The following UBN2 variants were observed in gnomAD, a reference collection of about 807,000 sequenced individuals.
UBN2 encodes ubinuclein-2.
In UBN2, 35 loss-of-function variants were observed where a neutral mutation model predicts 120.2. That is an observed-to-expected ratio of 0.29 (90% CI 0.22 to 0.39). The LOEUF (loss-of-function observed/expected upper bound fraction) is 0.39, where lower values mean the gene tolerates loss of function less well. Ranked by LOEUF, UBN2 falls within the 10% of genes least tolerant of loss-of-function variation. UBN2 has a pLI of 1.00. For missense variants in UBN2, 1,693 were observed against 1,663.2 expected (o/e 1.02, Z -0.31); for synonymous variants, 661 against 648.7 (o/e 1.02, Z -0.29).
At chr7:139,255,715 A>G (rs968797679) in intron 3 of UBN2, among the ~76,000 whole-genome samples, 10 of 152,180 alleles carry the variant, frequency 6.6e-5, no homozygotes, top group Admixed American at 6.5e-4. Context: ...TTGTATTGCC[A>G]GTAAGCTTTC....
At chr7:139,245,591 A>G (rs1396014034) in intron 2 of UBN2, among the ~76,000 whole-genome samples, 3 of 152,220 alleles carry the variant, frequency 2.0e-5, no homozygotes, top group Non-Finnish European at 4.4e-5. Flanking sequence ...ACTTCTACAT[A>G]TATCTGATTG....
intron 13 of UBN2, among the ~76,000 whole-genome samples, 183 bp from the exon 14 acceptor site, chr7:139,281,822 T>C (rs993664501): frequency 6.6e-6 from 1 of 152,232 alleles, no homozygotes; most frequent in African/African-American, 2.4e-5. Flanking sequence ...TCAAAACAAA[T>C]GTGTTTCATC....
intron 8 of UBN2, among the ~76,000 whole-genome samples, chr7:139,271,743 C>T (rs1797281200): frequency 6.6e-6 from 1 of 152,226 alleles, no homozygotes; most frequent in South Asian, 2.1e-4. Flanking sequence ...CAGATGCAAA[C>T]CTACTTTCTT....
chr7:139,317,168 T>C, the UBN2 span, among the ~76,000 whole-genome samples: 1 of 152,018 alleles, frequency 6.6e-6, no homozygotes, highest in Non-Finnish European at 1.5e-5. Context: ...TGCATTGCGG[T>C]CTTTTTATCA....
intron 12 of UBN2, among the ~76,000 whole-genome samples, chr7:139,278,203 A>T (rs1234711089): frequency 1.1e-4 from 14 of 128,406 alleles, no homozygotes; most frequent in African/African-American, 3.9e-4. Context: ...TTTTTTTGAG[A>T]TGGAGTCTTG....
At position 139,298,065 on chromosome 7, in the gene UBN2, G is replaced by A. The variant is rs1798160354; in HGVS notation, c.*229G>A. 2 of 487,626 alleles carry A rather than the reference G, an allele frequency of 4.1e-6. No individual in the cohort carries two copies. Among genetic ancestry groups the A allele is most frequent in the Middle Eastern group, 3.3e-4 (1 of 3,048 alleles). 30.2% of individuals were successfully genotyped at this position (487,626 alleles called of 1,614,324 possible). On this transcript the variant is annotated 3_prime_UTR_variant, in exon 18 of 18. Transcript: ENST00000473989. ...TTAGTGACCTTTGGTCTCTTCTAAAGAATGACAGAGTTACCGTATTAACAG... is the reference window on the plus strand; with the variant it reads ...TTAGTGACCTTTGGTCTCTTCTAAAAAATGACAGAGTTACCGTATTAACAG...
chr7:139,320,063 G>A, the UBN2 span, among the ~76,000 whole-genome samples: 16 of 149,530 alleles, frequency 1.1e-4, no homozygotes, highest in East Asian at 5.9e-4. Context: ...GTGACAGAGC[G>A]AGACTCCGTC....
rs536686100 is a variant in UBN2 at position 139,273,163 on chromosome 7, A to G, written c.1716-134A>G. 1.5e-4 allele frequency: 72 copies of G among 491,314 alleles called. 1 individual carries two copies. The highest frequency in any genetic ancestry group is 1.4e-3 in the South Asian group (24 of 16,868). The allele number at this position is 491,314 out of a possible 1,614,324, so 30.4% of individuals were successfully genotyped here. A position where few individuals can be genotyped will look rare whatever the true frequency, so the allele number is the denominator to read the frequency against. On this transcript the variant is annotated intron_variant, in intron 9 of 17. Coordinates refer to ENST00000473989, the MANE Select transcript of UBN2 (RefSeq NM_173569.4). The stretch of plus-strand genomic sequence containing the variant: ...TAACTCCTTTCAAATTTGAAGTATT[A>G]TGTGGAAAGGTAGATTCCGTCTTTA...
chr7:139,254,128 C>A (rs1420663294), intron 3 of UBN2, among the ~76,000 whole-genome samples: 1 of 152,098 alleles, frequency 6.6e-6, no homozygotes, highest in East Asian at 1.9e-4. Context: ...CCCATCTCTA[C>A]TAAAAATACA....
rs149519210 is a variant in UBN2, at chr7:139,288,697, G to C, written c.3669+4123G>C. 7.2e-5 allele frequency among the ~76,000 whole-genome samples: 11 copies of C among 152,098 alleles called. No homozygotes were observed. In the East Asian group the frequency reaches 2.1e-3, roughly 29 times the overall value. On this transcript the variant is annotated intron_variant, in intron 15 of 17. Transcript: ENST00000473989. ...CAGTGCACTCACCAAAGTAGAGTAT[G>C]TGGTTTAAAAAAAAATTTAATTGCG...
At chr7:139,289,956 C>T (rs1563227093) in intron 15 of UBN2, among the ~76,000 whole-genome samples, 1 of 151,866 alleles carries the variant, frequency 6.6e-6, no homozygotes, top group Non-Finnish European at 1.5e-5. Flanking sequence ...TGCAGTGGCA[C>T]AATCTCGGCT....
intron 8 of UBN2, among the ~76,000 whole-genome samples, chr7:139,269,801 A>C (rs1797209515): frequency 6.6e-6 from 1 of 151,092 alleles, no homozygotes; most frequent in African/African-American, 2.4e-5. Context: ...TAATATAAGT[A>C]CTCACCTTTT....
At chr7:139,291,890 A>G (rs1003354777) in intron 15 of UBN2, among the ~76,000 whole-genome samples, 1 of 152,098 alleles carries the variant, frequency 6.6e-6, no homozygotes, top group Admixed American at 6.6e-5. Flanking sequence ...TAAATAAAAA[A>G]GTCAAAATGG....
In UBN2 at chr7:139,301,005, A is replaced by G. The variant is rs987084175; in HGVS notation, c.*3169A>G. On this transcript the variant is annotated 3_prime_UTR_variant, in exon 18 of 18. Transcript: ENST00000473989. ...AGCCTGAAGAAAAAGGTTTTGGGAAAGGAAATGAGGCTAATCTGTAGTCAT... is the reference window on the plus strand; with the variant it reads ...AGCCTGAAGAAAAAGGTTTTGGGAAGGGAAATGAGGCTAATCTGTAGTCAT... 1.3e-5 allele frequency: 2 copies of G among 152,248 alleles called. No homozygotes were observed. Among genetic ancestry groups the G allele is most frequent in the South Asian group, 2.1e-4 (1 of 4,830 alleles). The allele number at this position is 152,248 out of a possible 1,614,324, so 9.4% of individuals were successfully genotyped here.
intron 17 of UBN2, among the ~76,000 whole-genome samples, chr7:139,297,063 G>C (rs1042674233): frequency 2.6e-5 from 4 of 151,954 alleles, no homozygotes; most frequent in Admixed American, 2.0e-4. Context: ...GCATGGTGGT[G>C]TGCGCCTGTA....
chr7:139,330,229 T>C, the UBN2 span, among the ~76,000 whole-genome samples: 2 of 152,244 alleles, frequency 1.3e-5, no homozygotes, highest in African/African-American at 4.8e-5. Context: ...GTTTGGGGTA[T>C]CTATAGAGGC....
At position 139,282,188 on chromosome 7, in the gene UBN2, T is replaced by C. The variant is rs1585021145; in HGVS notation, c.2118+133T>C. On this transcript the variant is annotated intron_variant, in intron 14 of 17. Coordinates refer to ENST00000473989, the MANE Select transcript of UBN2 (RefSeq NM_173569.4). ...GGCTTTTGCTTCTCAGTCTTAAAAA[T>C]AAAATGAGTCAAATACTTTTATCTT... 8 of 623,026 alleles carry C rather than the reference T, an allele frequency of 1.3e-5. No homozygotes were observed. In the Middle Eastern group the frequency reaches 7.9e-4, roughly 62 times the overall value. The allele number at this position is 623,026 out of a possible 1,614,324, so 38.6% of individuals were successfully genotyped here.
At position 139,283,979 on chromosome 7, in the gene UBN2, A is replaced by G. The variant is rs765028389; in HGVS notation, c.3074A>G (p.Gln1025Arg). Residue 1025 changes from glutamine (Q) to arginine (R), a missense_variant, in exon 15 of 18, where the codon CAG becomes CGG. Gln to Arg is a conservative substitution (Grantham distance 43). This residue lies in a region of UBN2 where 837 missense variants were observed against 817.6 expected (regional missense o/e 1.02). Transcript: ENST00000473989. The stretch of plus-strand genomic sequence containing the variant: ...GCTATGGTGTCACAGATCTCCACGC[A>G]GGGTTTCAAATCTCCCTTCTCGATG... ...AKAMVSQIST[Q>R]GFKSPFSMAA... The G allele has an allele frequency of 1.9e-6, 3 of 1,613,984 alleles. No individual in the cohort carries two copies. Among genetic ancestry groups the G allele is most frequent in the Admixed American group, 3.3e-5 (2 of 59,986 alleles).
chr7:139,252,477 A>C (rs1183748927), intron 3 of UBN2, among the ~76,000 whole-genome samples: 1 of 152,152 alleles, frequency 6.6e-6, no homozygotes, highest in Non-Finnish European at 1.5e-5. Flanking sequence ...TGAAATTTAA[A>C]TTTCATATAA....
Sources: gnomAD v4.1 joint callset for allele counts (sites outside exome capture counted in the v4.1 genomes callset) on GRCh38, gnomAD v4.1.1 for gene constraint, gnomAD v4.1.1 regional missense constraint, MANE v1.5 for transcripts, NCBI Gene and HGNC (gene_info 2026-07-23, HGNC 2026-07-21) for gene names.